SUFU: variants seen among roughly 807,000 people sequenced by gnomAD.
SUFU encodes suppressor of fused homolog.
Under a neutral mutation model 58.9 loss-of-function variants are expected in SUFU, and 7 were observed. The ratio of observed to expected loss-of-function variants is 0.12; its 90% CI spans 0.07 to 0.22. SUFU has a LOEUF of 0.22. SUFU is among the 10% of genes least tolerant of loss of function. The pLI, the probability that SUFU is intolerant of heterozygous loss-of-function variation, is 1.00. For missense variants in SUFU, 451 were observed against 641.3 expected (o/e 0.70, Z 3.20); for synonymous variants, 232 against 254.8 (o/e 0.91, Z 0.85).
intron 2 of SUFU, among the ~76,000 whole-genome samples, chr10:102,527,049 TGCAGTG>T (rs1482863413): frequency 7.1e-6 from 1 of 141,284 alleles, no homozygotes; most frequent in Non-Finnish European, 1.5e-5. Context: ...CAGGCTGGAG[TGCAGTG>T]GCAGTGGTGC....
intron 3 of SUFU, among the ~76,000 whole-genome samples, chr10:102,581,416 C>G (rs1315932780): frequency 6.6e-6 from 1 of 152,172 alleles, no homozygotes; most frequent in African/African-American, 2.4e-5. Flanking sequence ...TTCTCCTCCT[C>G]TCACTGGGGA....
intron 3 of SUFU, among the ~76,000 whole-genome samples, chr10:102,567,558 T>C (rs2063104418): frequency 6.6e-6 from 1 of 151,964 alleles, no homozygotes; most frequent in Non-Finnish European, 1.5e-5. Context: ...CCCTCGAGGG[T>C]TCTGATGAGG....
chr10:102,612,214 C>T (rs560500291), intron 8 of SUFU, among the ~76,000 whole-genome samples: 7 of 112,172 alleles, frequency 6.2e-5, no homozygotes, highest in South Asian at 3.3e-4. Context: ...TGTGTGCACG[C>T]GCATGTGTGT....
intron 8 of SUFU, among the ~76,000 whole-genome samples, chr10:102,601,578 G>T (rs1476170192): frequency 6.6e-6 from 1 of 152,136 alleles, no homozygotes; most frequent in Non-Finnish European, 1.5e-5. Flanking sequence ...TGTCAGTATT[G>T]GTTACCAATT....
chr10:102,555,184 C>T (rs1004157493), intron 3 of SUFU, among the ~76,000 whole-genome samples: 1 of 146,696 alleles, frequency 6.8e-6, no homozygotes, highest in African/African-American at 2.5e-5. Context: ...AGGAGAATGG[C>T]ATGAACCCAA....
rs2063814293 is a variant in SUFU at position 102,629,088 on chromosome 10, A to G, written c.1366-978A>G. Among the ~76,000 whole-genome samples the G allele has an allele frequency of 6.6e-6, 1 of 152,146 alleles. No homozygotes were observed. The highest frequency in any genetic ancestry group is 6.5e-5 in the Admixed American group (1 of 15,276). ...CGAGAATCGCTTGAACCCGGGAAGC[A>G]AAAGTTGCAGTGAGCCGAGATCGCG... On this transcript the variant is annotated intron_variant, in intron 11 of 11. Transcript: ENST00000369902. The surrounding 1 kb of genome is among the most constrained non-coding windows in gnomAD (Gnocchi z 4.7).
intron 3 of SUFU, among the ~76,000 whole-genome samples, chr10:102,550,438 A>G (rs992447749): frequency 1.3e-5 from 2 of 152,104 alleles, no homozygotes; most frequent in African/African-American, 2.4e-5. Flanking sequence ...AGCATTTCCC[A>G]TCTGATCTCA....
chr10:102,523,000 C>G (rs550520087), intron 2 of SUFU, among the ~76,000 whole-genome samples: 2 of 152,182 alleles, frequency 1.3e-5, no homozygotes, highest in South Asian at 4.2e-4. Flanking sequence ...GGCTTGAGGC[C>G]TAGTGGAGGG....
chr10:102,597,179 C>T lies in SUFU; in HGVS notation c.796C>T (p.Leu266=), dbSNP rs774300111. The part of the protein sequence containing the change: ...DKGIETDGSN[L]SGVSAKCAWD... ...AGGCATCGAGACAGATGGCTCCAAC[C>T]TGAGTGGTGTCAGTGCCAAGTGTGC... Residue 266 remains leucine, a synonymous_variant, in exon 7 of 12, where the codon CTG becomes TTG. Transcript: ENST00000369902. 10 of 1,614,006 alleles carry T rather than the reference C, an allele frequency of 6.2e-6. No individual in the cohort carries two copies. The highest frequency in any genetic ancestry group is 8.5e-6 in the Non-Finnish European group (10 of 1,179,990).
At chr10:102,508,470 G>T (rs2062358301) in intron 1 of SUFU, among the ~76,000 whole-genome samples, 1 of 152,132 alleles carries the variant, frequency 6.6e-6, no homozygotes, top group African/African-American at 2.4e-5. Flanking sequence ...TCTCTCCTGG[G>T]ATCATTTTCT....
At chr10:102,545,253 G>C (rs566607208) in intron 2 of SUFU, among the ~76,000 whole-genome samples, 12 of 151,498 alleles carry the variant, frequency 7.9e-5, no homozygotes, top group African/African-American at 2.9e-4. Context: ...TGGGTAGCTG[G>C]GACTACAGGT....
chr10:102,573,106 G>T (rs1424182532), intron 3 of SUFU: 4 of 777,006 alleles, frequency 5.1e-6, no homozygotes, highest in Non-Finnish European at 9.3e-6. Flanking sequence ...GTGACGTGCG[G>T]ATCTTCTTTT....
At chr10:102,612,021 T>A (rs1178629541) in intron 8 of SUFU, among the ~76,000 whole-genome samples, 4 of 152,232 alleles carry the variant, frequency 2.6e-5, no homozygotes, top group Non-Finnish European at 5.9e-5. Context: ...ACACTACTTA[T>A]TTTTTATGAC....
At chr10:102,588,310 G>A (rs547102579) in intron 3 of SUFU, among the ~76,000 whole-genome samples, 5 of 151,476 alleles carry the variant, frequency 3.3e-5, no homozygotes, top group South Asian at 2.1e-4. Flanking sequence ...GGAGAACGGC[G>A]TGAACCTGGG....
At chr10:102,592,529 C>A in intron 3 of SUFU, 53 bp from the exon 4 acceptor site, 1 of 1,610,584 alleles carries the variant, frequency 6.2e-7, no homozygotes. Context: ...GCCCAGATTC[C>A]AGGCCTGGAT....
chr10:102,550,131 T>G (rs1465124832), intron 3 of SUFU, 25 bp downstream of exon 3: 1 of 1,614,076 alleles, frequency 6.2e-7, no homozygotes, highest in Non-Finnish European at 8.5e-7. Context: ...CTGGCTGCTG[T>G]GCTGGTCCTT....
intron 2 of SUFU, among the ~76,000 whole-genome samples, chr10:102,511,712 T>G (rs2135629925): frequency 6.6e-6 from 1 of 152,070 alleles, no homozygotes; most frequent in Admixed American, 6.6e-5. Flanking sequence ...AGTTTGAGCT[T>G]TTTTGTTTTG....
intron 10 of SUFU, among the ~76,000 whole-genome samples, chr10:102,623,629 T>C (rs554325104): frequency 1.4e-4 from 22 of 152,364 alleles, no homozygotes; most frequent in African/African-American, 5.3e-4. Context: ...TGAGATCAGA[T>C]AGCCGTTCCT....
intron 8 of SUFU, among the ~76,000 whole-genome samples, chr10:102,611,043 G>T (rs961222044): frequency 6.6e-6 from 1 of 152,210 alleles, no homozygotes; most frequent in Non-Finnish European, 1.5e-5. Flanking sequence ...CACTGGTGAG[G>T]TCACATACTA....
Sources: gnomAD v4.1 joint callset for allele counts (sites outside exome capture counted in the v4.1 genomes callset) on GRCh38, gnomAD v4.1.1 for gene constraint, Gnocchi (gnomAD v3.1) non-coding constraint, MANE v1.5 for transcripts, NCBI Gene and HGNC (gene_info 2026-07-23, HGNC 2026-07-21) for gene names.